The following CD48 variants were observed in gnomAD, a reference collection of about 807,000 sequenced individuals.
CD48 encodes CD48 molecule.
Under a neutral mutation model 22.0 loss-of-function variants are expected in CD48, and 20 were observed. That is an observed-to-expected ratio of 0.91 (90% CI 0.64 to 1.32). The LOEUF is 1.32. CD48 is among the 40% of genes most tolerant of loss of function. The pLI, the probability that CD48 is intolerant of heterozygous loss-of-function variation, is 0.00. For synonymous variants in CD48, 110 were observed against 110.1 expected (o/e 1.00, Z 0.01); for missense variants, 307 against 286.5 (o/e 1.07, Z -0.52).
rs184165327 is a variant in CD48 at position 160,703,878 on chromosome 1, C to T, written c.82+7804G>A. Among the ~76,000 whole-genome samples the T allele has an allele frequency of 9.6e-4, 146 of 152,248 alleles. 1 individual carries two copies. The highest frequency in any genetic ancestry group is 3.3e-3 in the African/African-American group (139 of 41,536). ...CTGGGGCAGGGATTTGCCTGCCATA[C>T]ATAAACAACAGCAAGGAGGTGGCGA... On this transcript the variant is annotated intron_variant, in intron 1 of 3. Coordinates refer to ENST00000368046, the MANE Select transcript of CD48 (RefSeq NM_001778.4).
rs186744101 is a variant in CD48, at chr1:160,695,884, C to T, written c.83-10695G>A. Among the ~76,000 whole-genome samples the T allele has an allele frequency of 2.4e-4, 36 of 152,224 alleles. No individual in the cohort carries two copies. In the East Asian group the frequency reaches 5.2e-3, roughly 22 times the overall value. On this transcript the variant is annotated intron_variant, in intron 1 of 3. Coordinates refer to ENST00000368046, the MANE Select transcript of CD48 (RefSeq NM_001778.4). ...TACTTTAATTGGTCCGACAAGATTACGAATAATAAAATTATGTGGAAATGA... is the reference window on the plus strand; with the variant it reads ...TACTTTAATTGGTCCGACAAGATTATGAATAATAAAATTATGTGGAAATGA...
At chr1:160,696,436 C>T (rs1325605697) in intron 1 of CD48, among the ~76,000 whole-genome samples, 1 of 152,242 alleles carries the variant, frequency 6.6e-6, no homozygotes, top group African/African-American at 2.4e-5. Flanking sequence ...TTTACCAGGG[C>T]CTTTGACTAA....
intron 3 of CD48, chr1:160,680,726 C>T (rs1447433210): frequency 9.8e-7 from 1 of 1,025,296 alleles, no homozygotes; most frequent in Non-Finnish European, 1.2e-6. Context: ...GACGGCCTCT[C>T]TCAGGCCCGT....
chr1:160,685,499 C>A (rs748128860), intron 1 of CD48, among the ~76,000 whole-genome samples: 1 of 152,198 alleles, frequency 6.6e-6, no homozygotes, highest in Non-Finnish European at 1.5e-5. Flanking sequence ...TACCAGTAGA[C>A]TTTCAAATAA....
At chr1:160,711,268 A>G (rs1662936809) in intron 1 of CD48, among the ~76,000 whole-genome samples, 2 of 152,194 alleles carry the variant, frequency 1.3e-5, no homozygotes, top group African/African-American at 4.8e-5. Context: ...TTGGCTCAGG[A>G]TGCAACACCT....
intron 1 of CD48, among the ~76,000 whole-genome samples, chr1:160,704,284 A>T (rs769864644): frequency 1.8e-4 from 27 of 152,006 alleles, no homozygotes; most frequent in Middle Eastern, 3.4e-3. Flanking sequence ...GCCTCTGTCT[A>T]CTCTAACATC....
intron 2 of CD48, chr1:160,683,907 C>T (rs1661899174): frequency 6.6e-6 from 1 of 152,140 alleles, no homozygotes; most frequent in African/African-American, 2.4e-5. Flanking sequence ...GGAGCCCCTC[C>T]CCATATCCAT....
chr1:160,706,674 T>TAAAGTAAAGTAAA (rs1301428060), intron 1 of CD48, among the ~76,000 whole-genome samples: 1 of 152,224 alleles, frequency 6.6e-6, no homozygotes, highest in Non-Finnish European at 1.5e-5. Flanking sequence ...GTAACAAAGT[T>TAAAGTAAAGTAAA]GGATCTTATT....
intron 3 of CD48, among the ~76,000 whole-genome samples, chr1:160,679,860 A>T (rs144186543): frequency 2.3e-4 from 35 of 152,260 alleles, no homozygotes; most frequent in African/African-American, 8.2e-4. Context: ...GGATCTCAGG[A>T]TGTGATATTG....
rs1378736242 is a variant in CD48 at position 160,687,780 on chromosome 1, A to G, written c.83-2591T>C. ...CAAAATTTACTACAGTGGAGCCCCC[A>G]GTAGACTTAATCCAAGTAGTGGGGT... On this transcript the variant is annotated intron_variant, in intron 1 of 3. Coordinates refer to ENST00000368046, the MANE Select transcript of CD48 (RefSeq NM_001778.4). Among the ~76,000 whole-genome samples the G allele has an allele frequency of 2.6e-5, 4 of 152,228 alleles. No individual in the cohort carries two copies. The East Asian group carries it at 5.8e-4, about 22-fold the overall frequency.
chr1:160,680,612 G>A, intron 3 of CD48: 2 of 1,004,068 alleles, frequency 2.0e-6, no homozygotes, highest in Non-Finnish European at 2.4e-6. Flanking sequence ...ACTCATGAGT[G>A]GATCCTCCCA....
At chr1:160,711,133 G>A (rs935800970) in intron 1 of CD48, among the ~76,000 whole-genome samples, 1 of 152,172 alleles carries the variant, frequency 6.6e-6, no homozygotes, top group African/African-American at 2.4e-5. Context: ...TTCCTTTGAT[G>A]CTGAAGCACT....
intron 3 of CD48, chr1:160,680,864 C>A: frequency 7.4e-7 from 1 of 1,344,170 alleles, no homozygotes; most frequent in Non-Finnish European, 9.6e-7. Flanking sequence ...CCTTCCTTCT[C>A]CCTGCTCACC....
rs1661948002 is a variant in CD48 at position 160,685,073 on chromosome 1, C to T, written c.199G>A (p.Val67Ile). 1 of 1,614,202 alleles carries T rather than the reference C, an allele frequency of 6.2e-7. No homozygotes were observed. Among genetic ancestry groups the T allele is most frequent in the East Asian group, 2.2e-5 (1 of 44,894 alleles). The change falls in exon 2 of 4, where the codon GTA (valine) becomes ATA (isoleucine). Residue 67 changes from valine to isoleucine, a missense_variant. By Grantham distance (29) the Val-to-Ile change is conservative. Coordinates refer to ENST00000368046, the MANE Select transcript of CD48 (RefSeq NM_001778.4). ...TTAGATTTTCTGGAATCCCATTCTACAATCTTCTGGTCGAAAGTATAAAAC... is the reference window on the plus strand; with the variant it reads ...TTAGATTTTCTGGAATCCCATTCTATAATCTTCTGGTCGAAAGTATAAAAC... Reference protein sequence around the residue: ...TWFYTFDQKIVEWDSRKSKYF... With the variant: ...TWFYTFDQKIIEWDSRKSKYF...
intron 2 of CD48, 80 bp downstream of exon 2, chr1:160,684,807 C>T (rs1183386350): frequency 1.9e-6 from 3 of 1,613,936 alleles, no homozygotes; most frequent in South Asian, 1.1e-5. Context: ...CGAGAGTGCC[C>T]CATGCCTCCC....
Position 160,704,852 on chromosome 1 carries a change from T to G in CD48, c.82+6830A>C, listed in dbSNP as rs143361199. On this transcript the variant is annotated intron_variant, in intron 1 of 3. Coordinates refer to ENST00000368046, the MANE Select transcript of CD48 (RefSeq NM_001778.4). Reference sequence around the variant, plus strand: ...CTCAGGTCATTTTTAAAAACCTGGTTTGGTTAAGATAAGGAGAAAGAAAAG... The same window carrying G: ...CTCAGGTCATTTTTAAAAACCTGGTGTGGTTAAGATAAGGAGAAAGAAAAG... Among the ~76,000 whole-genome samples, 42 of 152,248 alleles carry G rather than the reference T, an allele frequency of 2.8e-4. No homozygotes were observed. The East Asian group carries it at 7.3e-3, about 27-fold the overall frequency.
chr1:160,690,138 G>A (rs1241266190), intron 1 of CD48, among the ~76,000 whole-genome samples: 2 of 152,132 alleles, frequency 1.3e-5, no homozygotes, highest in Admixed American at 6.5e-5. Context: ...AGTAATATGG[G>A]AAATTCCTTA....
chr1:160,711,622 C>T (rs1662951030), intron 1 of CD48, 60 bp downstream of exon 1: 1 of 1,322,890 alleles, frequency 7.6e-7, no homozygotes, highest in Admixed American at 1.7e-5. Context: ...CCCGTCTCCC[C>T]TTTCCCAACT....
intron 1 of CD48, among the ~76,000 whole-genome samples, chr1:160,694,417 G>A (rs893667143): frequency 5.3e-5 from 8 of 151,516 alleles, no homozygotes; most frequent in African/African-American, 1.9e-4. Flanking sequence ...CAAAAAATTG[G>A]CCTAAACAAA....
Sources: allele counts gnomAD v4.1 joint callset (sites outside exome capture counted in the v4.1 genomes callset), GRCh38; gene constraint gnomAD v4.1.1; transcripts MANE v1.5; gene names NCBI Gene and HGNC (gene_info 2026-07-23, HGNC 2026-07-21).